The following AGBL4 variants were observed in gnomAD, a reference collection of about 807,000 sequenced individuals.
AGBL4 encodes AGBL carboxypeptidase 4, also known as cytosolic carboxypeptidase 6.
Under a neutral mutation model 66.4 loss-of-function variants are expected in AGBL4, and 58 were observed. That is an observed-to-expected ratio of 0.87 (90% confidence interval 0.71 to 1.09). The LOEUF is 1.09. AGBL4 is among the 50% of genes least tolerant of loss of function. The pLI is 0.00. For missense variants in AGBL4, 579 were observed against 631.0 expected (o/e 0.92, Z 0.88); for synonymous variants, 234 against 222.9 (o/e 1.05, Z -0.44).
At chr1:49,105,405 C>A (rs1557644549) in intron 4 of AGBL4, among the ~76,000 whole-genome samples, 1 of 152,008 alleles carries the variant, frequency 6.6e-6, no homozygotes, top group Non-Finnish European at 1.5e-5. Context: ...CTGTCCATGC[C>A]CCACCTGTTA....
chr1:49,185,181 T>C (rs182639317), intron 4 of AGBL4, among the ~76,000 whole-genome samples: 2 of 151,838 alleles, frequency 1.3e-5, no homozygotes, highest in Admixed American at 1.3e-4. Flanking sequence ...ATAGGCTCTG[T>C]GGAGATGCCC....
intron 6 of AGBL4, among the ~76,000 whole-genome samples, chr1:48,775,377 G>A (rs774303526): frequency 6.6e-6 from 1 of 152,178 alleles, no homozygotes; most frequent in Non-Finnish European, 1.5e-5. Flanking sequence ...GTCTCTATGG[G>A]TTGAGAGAAT....
chr1:48,942,782 G>A (rs1656119279), intron 5 of AGBL4, among the ~76,000 whole-genome samples: 1 of 152,198 alleles, frequency 6.6e-6, no homozygotes, highest in Admixed American at 6.5e-5. Flanking sequence ...TAACCACTAA[G>A]TGATCTTGAG....
chr1:48,655,745 C>A (rs116379434), intron 7 of AGBL4, among the ~76,000 whole-genome samples: 1 of 152,146 alleles, frequency 6.6e-6, no homozygotes, highest in Non-Finnish European at 1.5e-5. Flanking sequence ...AGTTGACTAA[C>A]AATGAAATTT....
intron 3 of AGBL4, among the ~76,000 whole-genome samples, chr1:49,349,172 G>A (rs1191668785): frequency 1.3e-5 from 2 of 152,072 alleles, no homozygotes; most frequent in African/African-American, 4.8e-5. Context: ...CTCCTGCCCT[G>A]ACTCCATGAT....
chr1:49,633,182 C>A (rs952787182), intron 3 of AGBL4, among the ~76,000 whole-genome samples: 1 of 152,122 alleles, frequency 6.6e-6, no homozygotes, highest in Admixed American at 6.6e-5. Context: ...TAGCCAACAC[C>A]ATTGATAAAC....
At chr1:49,171,974 G>A (rs1199850416) in intron 4 of AGBL4, among the ~76,000 whole-genome samples, 4 of 152,136 alleles carry the variant, frequency 2.6e-5, no homozygotes, top group Admixed American at 2.0e-4. Context: ...ATAATAACCT[G>A]TGCAAATCAC....
At chr1:49,639,002 C>T (rs747788939) in intron 3 of AGBL4, among the ~76,000 whole-genome samples, 4 of 152,020 alleles carry the variant, frequency 2.6e-5, no homozygotes, top group African/African-American at 9.7e-5. Context: ...AGGTTTGTGA[C>T]CAACACAAAG....
chr1:48,865,345 C>T (rs1226747421), intron 6 of AGBL4, among the ~76,000 whole-genome samples: 1 of 152,156 alleles, frequency 6.6e-6, no homozygotes, highest in Non-Finnish European at 1.5e-5. Context: ...GTGGAAGCTA[C>T]CACCTAGGGG....
chr1:49,373,889 A>G (rs889383287), intron 3 of AGBL4, among the ~76,000 whole-genome samples: 21 of 152,138 alleles, frequency 1.4e-4, no homozygotes, highest in African/African-American at 4.6e-4. Context: ...GTGGCCCGGT[A>G]TATGGTATTG....
chr1:49,131,859 G>A (rs957072413), intron 4 of AGBL4, among the ~76,000 whole-genome samples: 1 of 151,994 alleles, frequency 6.6e-6, no homozygotes, highest in Non-Finnish European at 1.5e-5. Flanking sequence ...GATTATGGGG[G>A]ATGATAATAA....
At chr1:49,309,679 C>T (rs1189466255) in intron 3 of AGBL4, among the ~76,000 whole-genome samples, 4 of 151,658 alleles carry the variant, frequency 2.6e-5, no homozygotes, top group South Asian at 2.1e-4. Context: ...AAGTGGTAGA[C>T]GCAAATAATA....
chr1:49,967,957 C>G, intron 1 of AGBL4, among the ~76,000 whole-genome samples: 1 of 152,084 alleles, frequency 6.6e-6, no homozygotes, highest in Non-Finnish European at 1.5e-5. Context: ...GGCATGGTGG[C>G]TCACGCCTAT....
chr1:48,711,982 TC>T (rs1342993017), intron 6 of AGBL4, among the ~76,000 whole-genome samples: 1 of 152,180 alleles, frequency 6.6e-6, no homozygotes, highest in African/African-American at 2.4e-5. Context: ...CATTTTGTTC[TC>T]CAACCTCCTT....
At chr1:48,589,572 T>C (rs1644880499) in intron 10 of AGBL4, among the ~76,000 whole-genome samples, 1 of 152,232 alleles carries the variant, frequency 6.6e-6, no homozygotes, top group Admixed American at 6.5e-5. Flanking sequence ...TCCTGCCCTT[T>C]TCCAATATTG....
chr1:48,691,328 A>G (rs1211644180), intron 6 of AGBL4, among the ~76,000 whole-genome samples: 1 of 152,106 alleles, frequency 6.6e-6, no homozygotes, highest in Non-Finnish European at 1.5e-5. Flanking sequence ...TATTTCACAC[A>G]TACAGCACAT....
intron 2 of AGBL4, among the ~76,000 whole-genome samples, chr1:49,812,766 T>C (rs745757231): frequency 6.6e-6 from 1 of 152,154 alleles, no homozygotes. Context: ...TTCTAGTCAT[T>C]TATTCTGCAA....
rs1043775763 is a variant in AGBL4 at position 49,386,835 on chromosome 1, T to C, written c.283-140971A>G. Among the ~76,000 whole-genome samples, 11 of 151,948 alleles carry C rather than the reference T, an allele frequency of 7.2e-5. 1 individual carries two copies. Among genetic ancestry groups the C allele is most frequent in the African/African-American group, 2.7e-4 (11 of 41,438 alleles). On this transcript the variant is annotated intron_variant, in intron 3 of 13. Coordinates refer to ENST00000371839, the MANE Select transcript of AGBL4 (RefSeq NM_032785.4). ...TTGGCTCTATATTCTCTCTAGCTAG[T>C]TAATTCATGATAAAGCTGTGAGACC...
intron 6 of AGBL4, among the ~76,000 whole-genome samples, chr1:48,827,148 T>G (rs1043548977): frequency 6.6e-6 from 1 of 152,242 alleles, no homozygotes; most frequent in Non-Finnish European, 1.5e-5. Flanking sequence ...ATGCTATTAC[T>G]GTACTATACT....
Sources: allele counts gnomAD v4.1 joint callset (sites outside exome capture counted in the v4.1 genomes callset), GRCh38; gene constraint gnomAD v4.1.1; transcripts MANE v1.5; gene names NCBI Gene and HGNC (gene_info 2026-07-23, HGNC 2026-07-21).